KPNA4: variants seen among roughly 807,000 people sequenced by gnomAD.
The protein encoded by KPNA4 is importin subunit alpha-3.
Under a neutral mutation model 71.3 loss-of-function variants are expected in KPNA4, and 13 were observed. The observed-to-expected ratio is 0.18, with a 90% CI of 0.12 to 0.29. KPNA4 has a LOEUF of 0.29. Among genes scored for constraint, KPNA4 ranks in the 10% least tolerant of loss-of-function variants. The probability of loss-of-function intolerance (pLI) is 1.00; values close to 1 mark genes in which losing one functional copy is unlikely to be tolerated. For synonymous variants in KPNA4, 189 were observed against 195.2 expected (o/e 0.97, Z 0.26); for missense variants, 334 against 603.2 (o/e 0.55, Z 4.67).
At chr3:160,536,075 C>T (rs1016195372) in intron 2 of KPNA4, among the ~76,000 whole-genome samples, 178 bp from the exon 3 acceptor site, 7 of 151,988 alleles carry the variant, frequency 4.6e-5, no homozygotes, top group African/African-American at 1.4e-4. Flanking sequence ...TAACCACTCA[C>T]GCAACACTAA....
At chr3:160,558,412 G>T (rs899810199) in intron 1 of KPNA4, among the ~76,000 whole-genome samples, 2 of 152,208 alleles carry the variant, frequency 1.3e-5, no homozygotes, top group Non-Finnish European at 2.9e-5. Context: ...GGCAGAAATA[G>T]TAAGAGGTTC....
chr3:160,502,637 T>C (rs373098213), intron 16 of KPNA4, among the ~76,000 whole-genome samples: 6 of 152,082 alleles, frequency 3.9e-5, no homozygotes, highest in Admixed American at 2.6e-4. Flanking sequence ...TCCCAAAGTA[T>C]TGAGATTACA....
intron 1 of KPNA4, 78 bp downstream of exon 1, chr3:160,565,136 T>C: frequency 8.0e-7 from 1 of 1,243,926 alleles, no homozygotes; most frequent in Non-Finnish European, 1.2e-6. Context: ...CCGCCCCTAA[T>C]CCCCACACTC....
chr3:160,511,357 A>C (rs1721090504), intron 13 of KPNA4, among the ~76,000 whole-genome samples: 1 of 152,074 alleles, frequency 6.6e-6, no homozygotes, highest in Non-Finnish European at 1.5e-5. Context: ...TGCCCGCCTC[A>C]GCCTCCCAAA....
At chr3:160,513,263 T>G (rs1721139347) in intron 13 of KPNA4, among the ~76,000 whole-genome samples, 1 of 144,300 alleles carries the variant, frequency 6.9e-6, no homozygotes, top group Non-Finnish European at 1.5e-5. Flanking sequence ...TTTTTTTTTT[T>G]TTTTTTTTTT....
At chr3:160,509,726 C>T in intron 14 of KPNA4, 74 bp downstream of exon 14, 3 of 1,050,316 alleles carry the variant, frequency 2.9e-6, no homozygotes, top group Non-Finnish European at 4.4e-6. Flanking sequence ...ATAACTTACT[C>T]AAATCTAAAT....
chr3:160,518,956 C>T (rs1453256083), intron 11 of KPNA4, among the ~76,000 whole-genome samples: 2 of 152,160 alleles, frequency 1.3e-5, no homozygotes, highest in Admixed American at 1.3e-4. Context: ...TATATTTATG[C>T]CAGTATCACA....
At chr3:160,533,780 C>G (rs1390155182) in intron 5 of KPNA4, among the ~76,000 whole-genome samples, 1 of 152,140 alleles carries the variant, frequency 6.6e-6, no homozygotes, top group Non-Finnish European at 1.5e-5. Context: ...TCAGTTTGCT[C>G]TTGCATACCC....
chr3:160,538,294 G>C (rs971362934), intron 1 of KPNA4, among the ~76,000 whole-genome samples: 2 of 151,922 alleles, frequency 1.3e-5, no homozygotes, highest in Non-Finnish European at 2.9e-5. Flanking sequence ...CATTAAATGG[G>C]ATCTAGCAGT....
Position 160,532,540 on chromosome 3 carries a change from C to G in KPNA4, c.288-983G>C, listed in dbSNP as rs1216477676. Among the ~76,000 whole-genome samples, 18 of 152,202 alleles carry G rather than the reference C, an allele frequency of 1.2e-4. 1 individual carries two copies. The highest frequency in any genetic ancestry group is 1.2e-3 in the Admixed American group (18 of 15,284). On this transcript the variant is annotated intron_variant, in intron 5 of 16. Coordinates refer to ENST00000334256, the MANE Select transcript of KPNA4 (RefSeq NM_002268.5). ...AAAAAGACAGACACATCACTGCTCT[C>G]ATGGAGCTTATAAGATAAAAACAAA...
At chr3:160,526,510 A>G (rs1462502802) in intron 8 of KPNA4, among the ~76,000 whole-genome samples, 1 of 152,246 alleles carries the variant, frequency 6.6e-6, no homozygotes, top group Non-Finnish European at 1.5e-5. Flanking sequence ...TTAGAAAACT[A>G]TGTCAGAAGA....
chr3:160,545,032 A>AT (rs1240301792), intron 1 of KPNA4, among the ~76,000 whole-genome samples: 1 of 152,222 alleles, frequency 6.6e-6, no homozygotes. Flanking sequence ...AAGAATACCA[A>AT]AGCTTAGATA....
chr3:160,537,253 C>A (rs1228589600), intron 1 of KPNA4, among the ~76,000 whole-genome samples: 5 of 151,144 alleles, frequency 3.3e-5, no homozygotes, highest in African/African-American at 1.2e-4. Flanking sequence ...GCCAAAGGAG[C>A]CCTCCTGCTC....
chr3:160,561,669 T>C (rs1722248815), intron 1 of KPNA4, among the ~76,000 whole-genome samples: 1 of 152,002 alleles, frequency 6.6e-6, no homozygotes, highest in Non-Finnish European at 1.5e-5. Context: ...TTTAAAAGGA[T>C]CACTAATTTG....
intron 1 of KPNA4, chr3:160,564,293 T>A (rs1722297126): frequency 6.6e-6 from 1 of 152,160 alleles, no homozygotes; most frequent in Admixed American, 6.6e-5. Context: ...TTTTTTTCCT[T>A]TTTAAATAAT....
chr3:160,507,726 C>T (rs1351849435), intron 15 of KPNA4, among the ~76,000 whole-genome samples: 1 of 152,220 alleles, frequency 6.6e-6, no homozygotes. Context: ...CAAAATCCAG[C>T]TCAGGTGCAC....
intron 1 of KPNA4, among the ~76,000 whole-genome samples, chr3:160,543,386 G>C (rs1721845476): frequency 6.6e-6 from 1 of 151,674 alleles, no homozygotes; most frequent in South Asian, 2.1e-4. Context: ...TGTCACCCAG[G>C]CTGGAGTGCA....
intron 11 of KPNA4, among the ~76,000 whole-genome samples, chr3:160,520,407 A>C (rs1429830346): frequency 2.0e-5 from 3 of 150,680 alleles, no homozygotes; most frequent in Admixed American, 6.6e-5. Context: ...ACATGCCACC[A>C]TGCCTGGCTA....
rs559744720 is a variant in KPNA4 at position 160,536,953 on chromosome 3, GGATATA to G, written c.70-119_70-114del. 6.8e-5 allele frequency: 34 copies of G among 498,108 alleles called. No homozygotes were observed. The East Asian group carries it at 9.3e-4, about 14-fold the overall frequency. 30.9% of individuals were successfully genotyped at this position (498,108 alleles called of 1,614,324 possible). A position where few individuals can be genotyped will look rare whatever the true frequency, so the allele number is the denominator to read the frequency against. ...CTCTAATCTTTTCTTTTAGCCATAT[GGATATA>G]AAGTCAAATCTTACTCATAATAAAA... On this transcript the variant is annotated intron_variant, in intron 1 of 16. Transcript: ENST00000334256.
Sources: allele counts gnomAD v4.1 joint callset (sites outside exome capture counted in the v4.1 genomes callset), GRCh38; gene constraint gnomAD v4.1.1; transcripts MANE v1.5; gene names NCBI Gene and HGNC (gene_info 2026-07-23, HGNC 2026-07-21).